ATG5: variants seen among roughly 807,000 people sequenced by gnomAD.
ATG5 encodes autophagy related 5.
In ATG5, 14 loss-of-function variants were observed where a neutral mutation model predicts 36.5. The ratio of observed to expected loss-of-function variants is 0.38; its 90% CI spans 0.25 to 0.60. The LOEUF is 0.60. Among genes scored for constraint, ATG5 ranks in the 20% least tolerant of loss-of-function variants. The pLI, the probability that ATG5 is intolerant of heterozygous loss-of-function variation, is 0.60. For synonymous variants in ATG5, 95 were observed against 101.5 expected (o/e 0.94, Z 0.38); for missense variants, 195 against 326.7 (o/e 0.60, Z 3.11).
At chr6:106,208,628 G>A (rs1357537203) in intron 6 of ATG5, among the ~76,000 whole-genome samples, 1 of 151,138 alleles carries the variant, frequency 6.6e-6, no homozygotes, top group Non-Finnish European at 1.5e-5. Context: ...CTAAAGGCAT[G>A]ACCCATAAAA....
At chr6:106,226,807 T>G (rs1006240833) in intron 6 of ATG5, among the ~76,000 whole-genome samples, 1 of 152,054 alleles carries the variant, frequency 6.6e-6, no homozygotes, top group Non-Finnish European at 1.5e-5. Context: ...AAACAAAAAT[T>G]CTGGAGTTGA....
At chr6:106,226,928 G>A (rs1777473560) in intron 6 of ATG5, among the ~76,000 whole-genome samples, 1 of 151,766 alleles carries the variant, frequency 6.6e-6, no homozygotes, top group African/African-American at 2.4e-5. Context: ...GAGGGAAGAA[G>A]GAAGGAAGGA....
chr6:106,219,565 A>T (rs1471674363), intron 6 of ATG5, among the ~76,000 whole-genome samples: 1 of 152,184 alleles, frequency 6.6e-6, no homozygotes, highest in Admixed American at 6.5e-5. Context: ...ATGAAATATT[A>T]TAAGTAATCT....
At chr6:106,275,490 T>G (rs963891874) in intron 5 of ATG5, among the ~76,000 whole-genome samples, 1 of 152,132 alleles carries the variant, frequency 6.6e-6, no homozygotes, top group Non-Finnish European at 1.5e-5. Context: ...CCAAACATAA[T>G]AGCTACAAAA....
intron 2 of ATG5, among the ~76,000 whole-genome samples, chr6:106,310,571 C>A (rs972075999): frequency 6.6e-6 from 1 of 151,576 alleles, no homozygotes; most frequent in Non-Finnish European, 1.5e-5. Context: ...GTAAAATATA[C>A]CTAGTATAAA....
chr6:106,274,987 A>T (rs756700243), intron 5 of ATG5, among the ~76,000 whole-genome samples: 9 of 152,204 alleles, frequency 5.9e-5, no homozygotes, highest in Non-Finnish European at 1.2e-4. Flanking sequence ...TTTTCTATAA[A>T]GCTCTGTGAA....
chr6:106,226,538 A>G (rs1777459877), intron 6 of ATG5, among the ~76,000 whole-genome samples: 1 of 152,136 alleles, frequency 6.6e-6, no homozygotes, highest in Admixed American at 6.5e-5. Flanking sequence ...CAAAGAACTA[A>G]AAAAAAGTTT....
chr6:106,292,523 A>C lies in ATG5; in HGVS notation c.315+505T>G, dbSNP rs74950801. On this transcript the variant is annotated intron_variant, in intron 4 of 7. Coordinates refer to ENST00000369076, the MANE Select transcript of ATG5 (RefSeq NM_004849.4). ...TCCTAACCCTTCTCTTAATTCATTC[A>C]AAATAGCCTTAGAATTACTCAACAG... is the stretch of plus-strand genomic sequence containing the variant. Among the ~76,000 whole-genome samples, 252 of 152,354 alleles carry C rather than the reference A, an allele frequency of 1.7e-3. 5 individuals carry two copies. The East Asian group carries it at 0.041, about 25-fold the overall frequency.
intron 5 of ATG5, among the ~76,000 whole-genome samples, chr6:106,252,596 T>C (rs958556327): frequency 5.9e-5 from 9 of 152,212 alleles, no homozygotes; most frequent in Admixed American, 6.5e-5. Context: ...GATTTACCTA[T>C]TCTTCCACTT....
rs1213015373 is a variant in ATG5 at position 106,244,433 on chromosome 6, C to T, written c.573+3717G>A. Among the ~76,000 whole-genome samples, 7 of 152,288 alleles carry T rather than the reference C, an allele frequency of 4.6e-5. 1 individual carries two copies. In the South Asian group the frequency reaches 1.2e-3, roughly 27 times the overall value. On this transcript the variant is annotated intron_variant, in intron 6 of 7. Coordinates refer to ENST00000369076, the MANE Select transcript of ATG5 (RefSeq NM_004849.4). ...CCTTATCCAAACTCTGTGGTCAAGA[C>T]AAACAGGTTGTCCTTATACTTACAA...
chr6:106,198,894 A>G (rs1231518397), intron 7 of ATG5, among the ~76,000 whole-genome samples: 1 of 152,230 alleles, frequency 6.6e-6, no homozygotes, highest in Non-Finnish European at 1.5e-5. Context: ...GAATATATAA[A>G]TAATGCTAAA....
chr6:106,228,665 A>G (rs999341281), intron 6 of ATG5, among the ~76,000 whole-genome samples: 1 of 152,044 alleles, frequency 6.6e-6, no homozygotes, highest in Non-Finnish European at 1.5e-5. Context: ...AGGGACCTGA[A>G]CCCGCAACCA....
chr6:106,251,170 C>T (rs558135185), intron 5 of ATG5, among the ~76,000 whole-genome samples: 30 of 152,366 alleles, frequency 2.0e-4, no homozygotes, highest in South Asian at 6.2e-4. Context: ...TGGTTTCCCA[C>T]CCAGCTGCCA....
intron 2 of ATG5, among the ~76,000 whole-genome samples, chr6:106,310,514 T>C (rs950349607): frequency 2.0e-5 from 3 of 152,176 alleles, no homozygotes; most frequent in African/African-American, 7.2e-5. Flanking sequence ...ACTCATTGTT[T>C]TTCTTAGGTG....
At position 106,290,932 on chromosome 6, in the gene ATG5, A is replaced by T. The variant is rs184486265; in HGVS notation, c.315+2096T>A. On this transcript the variant is annotated intron_variant, in intron 4 of 7. Coordinates refer to ENST00000369076, the MANE Select transcript of ATG5 (RefSeq NM_004849.4). ...TCCAAAATTCAAATTTTCACTAAAAAGTTGAAATTTTACCACTGACAACAA... is the reference window on the plus strand; with the variant it reads ...TCCAAAATTCAAATTTTCACTAAAATGTTGAAATTTTACCACTGACAACAA... Among the ~76,000 whole-genome samples the T allele has an allele frequency of 3.9e-5, 6 of 152,380 alleles. No homozygotes were observed. The East Asian group carries it at 1.2e-3, about 29-fold the overall frequency.
chr6:106,284,940 T>TA (rs1175967146), intron 4 of ATG5, among the ~76,000 whole-genome samples: 1 of 152,216 alleles, frequency 6.6e-6, no homozygotes, highest in African/African-American at 2.4e-5. Context: ...TCCCTTTCTG[T>TA]AGGCAACCCA....
intron 5 of ATG5, among the ~76,000 whole-genome samples, chr6:106,265,175 A>AG (rs1779180916): frequency 6.6e-6 from 1 of 151,308 alleles, no homozygotes; most frequent in African/African-American, 2.4e-5. Context: ...AAGCAAAAAA[A>AG]AAAAAAAAAA....
At chr6:106,231,643 C>A (rs975750849) in intron 6 of ATG5, among the ~76,000 whole-genome samples, 4 of 152,210 alleles carry the variant, frequency 2.6e-5, no homozygotes, top group Non-Finnish European at 4.4e-5. Flanking sequence ...GCATACCTCT[C>A]TCTGTCAACT....
intron 5 of ATG5, among the ~76,000 whole-genome samples, chr6:106,264,819 G>A (rs995531303): frequency 1.4e-4 from 21 of 152,066 alleles, no homozygotes; most frequent in African/African-American, 5.1e-4. Context: ...CACCAGGCCT[G>A]CCCTACAAGA....
Sources: gnomAD v4.1 joint callset for allele counts (sites outside exome capture counted in the v4.1 genomes callset) on GRCh38, gnomAD v4.1.1 for gene constraint, MANE v1.5 for transcripts, NCBI Gene and HGNC (gene_info 2026-07-23, HGNC 2026-07-21) for gene names.